Variants in PRKG1 observed in about 807,000 individuals in gnomAD.
The protein encoded by PRKG1 is cGMP-dependent protein kinase 1.
Under a neutral mutation model 88.1 loss-of-function variants are expected in PRKG1, and 35 were observed. The ratio of observed to expected loss-of-function variants is 0.40; its 90% CI spans 0.30 to 0.53. The LOEUF is 0.53. Ranked by LOEUF, PRKG1 falls within the 20% of genes least tolerant of loss-of-function variation. The pLI is 0.59. For missense variants in PRKG1, 540 were observed against 839.8 expected, an observed-to-expected ratio of 0.64 and a Z score of 4.41; for synonymous variants, 303 against 292.5, an observed-to-expected ratio of 1.04 and a Z score of -0.37.
At chr10:52,135,218 A>G (rs1837375052) in intron 8 of PRKG1, among the ~76,000 whole-genome samples, 1 of 152,042 alleles carries the variant, frequency 6.6e-6, no homozygotes, top group African/African-American at 2.4e-5. Flanking sequence ...ATGTGGAAGT[A>G]TAGGAAAAGC....
At chr10:51,676,760 A>G (rs1472957270) in intron 3 of PRKG1, among the ~76,000 whole-genome samples, 1 of 152,206 alleles carries the variant, frequency 6.6e-6, no homozygotes, top group Non-Finnish European at 1.5e-5. Flanking sequence ...GATTTATGTG[A>G]CAACACTTAT....
At chr10:51,394,918 G>A (rs185240543) in intron 2 of PRKG1, among the ~76,000 whole-genome samples, 1 of 152,156 alleles carries the variant, frequency 6.6e-6, no homozygotes, top group East Asian at 1.9e-4. Flanking sequence ...TATATACCAT[G>A]GATTCTTAAA....
At chr10:51,544,404 C>G (rs1589063100) in intron 3 of PRKG1, among the ~76,000 whole-genome samples, 1 of 152,038 alleles carries the variant, frequency 6.6e-6, no homozygotes, top group African/African-American at 2.4e-5. Context: ...TTTATGGCTG[C>G]ATAGTATTCC....
intron 3 of PRKG1, among the ~76,000 whole-genome samples, chr10:51,706,284 T>G (rs1206790539): frequency 6.6e-6 from 1 of 152,230 alleles, no homozygotes; most frequent in Non-Finnish European, 1.5e-5. Flanking sequence ...GCAAATTTCA[T>G]GTACTCAAAC....
At chr10:51,677,851 A>T (rs1024675851) in intron 3 of PRKG1, among the ~76,000 whole-genome samples, 1 of 152,124 alleles carries the variant, frequency 6.6e-6, no homozygotes, top group Non-Finnish European at 1.5e-5. Context: ...TCAGAAGGAG[A>T]GGGAATTGGG....
intron 5 of PRKG1, among the ~76,000 whole-genome samples, chr10:51,948,110 A>T (rs546913746): frequency 6.6e-6 from 1 of 152,212 alleles, no homozygotes; most frequent in African/African-American, 2.4e-5. Context: ...TTATGACAAC[A>T]TTTCTCAATT....
chr10:51,172,645 TATGTATCTATCTATCTATCTATC>T (rs1837072302), intron 2 of PRKG1, among the ~76,000 whole-genome samples: 1 of 18,484 alleles, frequency 5.4e-5, no homozygotes, highest in Admixed American at 6.1e-4. Flanking sequence ...TGTATGTATG[TATGTATCTATCTATCTATCTATC>T]TATCTATCTA....
chr10:52,251,243 C>G (rs1841161782), intron 9 of PRKG1, among the ~76,000 whole-genome samples: 1 of 152,068 alleles, frequency 6.6e-6, no homozygotes, highest in South Asian at 2.1e-4. Context: ...AAGAACAACT[C>G]AAACAATCCG....
At chr10:51,306,160 G>T (rs1456126794) in intron 2 of PRKG1, among the ~76,000 whole-genome samples, 1 of 152,156 alleles carries the variant, frequency 6.6e-6, no homozygotes. Flanking sequence ...AATTAAGTTT[G>T]GTCTGAGTCA....
rs1167219822 is a variant in PRKG1, at chr10:51,843,093, CTTTT to C, written c.698+38423_698+38426del. ...TTTATTTAAATTTAGGAAAATTATT[CTTTT>C]TTTTTTTTTTTTTTTTTTTGAGACG... On this transcript the variant is annotated intron_variant, in intron 4 of 17. Coordinates refer to ENST00000373980, the MANE Select transcript of PRKG1 (RefSeq NM_006258.4). Among the ~76,000 whole-genome samples the C allele has an allele frequency of 8.9e-3, 786 of 87,870 alleles. 3 individuals are homozygous for C. The highest frequency in any genetic ancestry group is 0.031 in the African/African-American group (740 of 23,584). 57.6% of individuals were successfully genotyped at this position (87,870 alleles called of 152,430 possible). A position where few individuals can be genotyped will look rare whatever the true frequency, so the allele number is the denominator to read the frequency against.
intron 1 of PRKG1, among the ~76,000 whole-genome samples, chr10:51,006,349 A>C (rs1409557771): frequency 6.6e-6 from 1 of 152,150 alleles, no homozygotes; most frequent in Non-Finnish European, 1.5e-5. Context: ...AAACCTCTCA[A>C]GGTTGTTGAG....
intron 5 of PRKG1, among the ~76,000 whole-genome samples, chr10:52,050,638 A>G (rs946124727): frequency 2.6e-5 from 4 of 152,132 alleles, no homozygotes; most frequent in South Asian, 4.1e-4. Flanking sequence ...CCACTGTTCC[A>G]TAGGTTGTTC....
rs536328582 is a variant in PRKG1 at position 51,069,104 on chromosome 10, A to T, written c.266+77460A>T. ...ATAATAACTTCCCGTCATCTTAAGA[A>T]GGGGACTATAAAAATTCATTTCACC... is the stretch of plus-strand genomic sequence containing the variant. On this transcript the variant is annotated intron_variant, in intron 1 of 17. Coordinates refer to the PRKG1 transcript ENST00000401604. Among the ~76,000 whole-genome samples, 12 of 152,080 alleles carry T rather than the reference A, an allele frequency of 7.9e-5. No homozygotes were observed. In the South Asian group the frequency reaches 2.5e-3, roughly 32 times the overall value.
chr10:51,698,359 G>T, intron 3 of PRKG1: 1 of 1,614,086 alleles, frequency 6.2e-7, no homozygotes, highest in Non-Finnish European at 8.5e-7. Context: ...CTATCATGGG[G>T]CCTCTGGGCT....
intron 2 of PRKG1, among the ~76,000 whole-genome samples, chr10:51,291,117 T>C (rs925872066): frequency 1.3e-5 from 2 of 152,210 alleles, no homozygotes; most frequent in Admixed American, 1.3e-4. Context: ...GTAATAGTTA[T>C]CAAAATGACT....
chr10:52,159,089 C>A (rs775841317), intron 8 of PRKG1, among the ~76,000 whole-genome samples: 7 of 151,406 alleles, frequency 4.6e-5, no homozygotes, highest in Admixed American at 1.3e-4. Flanking sequence ...TATAAAGATA[C>A]CTCCTCTAGT....
intron 1 of PRKG1, among the ~76,000 whole-genome samples, chr10:51,034,759 T>G (rs1481177172): frequency 7.4e-6 from 1 of 135,152 alleles, no homozygotes; most frequent in East Asian, 2.3e-4. Context: ...AAAAATATAT[T>G]GAAACTATTA....
At chr10:51,577,922 G>A (rs995680976) in intron 3 of PRKG1, among the ~76,000 whole-genome samples, 2 of 151,922 alleles carry the variant, frequency 1.3e-5, no homozygotes, top group African/African-American at 4.8e-5. Flanking sequence ...TTAAACTTTG[G>A]TTCAGTAACA....
At chr10:52,185,901 G>A (rs1379809977) in intron 9 of PRKG1, among the ~76,000 whole-genome samples, 2 of 152,200 alleles carry the variant, frequency 1.3e-5, no homozygotes, top group African/African-American at 4.8e-5. Context: ...TCCCAAGGCT[G>A]CACAGGGTAG....
Sources: allele counts gnomAD v4.1 joint callset (sites outside exome capture counted in the v4.1 genomes callset), GRCh38; gene constraint gnomAD v4.1.1; transcripts MANE v1.5; gene names NCBI Gene and HGNC (gene_info 2026-07-23, HGNC 2026-07-21).